The following EML1 variants were observed in gnomAD, a reference collection of about 807,000 sequenced individuals.
EML1 encodes the protein echinoderm microtubule-associated protein-like 1.
EML1 carries 27 observed loss-of-function variants against 110.4 expected under a neutral mutation model. That is an observed-to-expected ratio of 0.24 (90% CI 0.18 to 0.34). The LOEUF (loss-of-function observed/expected upper bound fraction) is 0.34. Ranked by LOEUF, EML1 falls within the 10% of genes least tolerant of loss-of-function variation. The pLI, the probability that EML1 is intolerant of heterozygous loss-of-function variation, is 1.00. For missense variants in EML1, 741 were observed against 1,030.9 expected (o/e 0.72, Z 3.85); for synonymous variants, 344 against 385.8 (o/e 0.89, Z 1.27).
chr14:99,884,988 C>T (rs929693015), intron 4 of EML1, among the ~76,000 whole-genome samples: 5 of 152,230 alleles, frequency 3.3e-5, no homozygotes, highest in African/African-American at 1.2e-4. Flanking sequence ...GTCGTAACTG[C>T]CTGTTAACTT....
rs1337837708 is a variant in EML1 at position 99,905,381 on chromosome 14, G to C, written c.1009-2257G>C. Among the ~76,000 whole-genome samples, 1 of 152,106 alleles carries C rather than the reference G, an allele frequency of 6.6e-6. No individual in the cohort carries two copies. The highest frequency in any genetic ancestry group is 1.5e-5 in the Non-Finnish European group (1 of 68,026). Reference sequence around the variant, plus strand: ...TCAACTTACGGTCTCTGGGCAAGATGGTGGCCCTGAGTAATAGAAAACATA... The same window carrying C: ...TCAACTTACGGTCTCTGGGCAAGATCGTGGCCCTGAGTAATAGAAAACATA... On this transcript the variant is annotated intron_variant, in intron 9 of 21. Coordinates refer to ENST00000262233, the MANE Select transcript of EML1 (RefSeq NM_004434.3). This position sits in a 1 kb window ranked among gnomAD's most constrained non-coding sequence, Gnocchi z 4.1.
intron 17 of EML1, among the ~76,000 whole-genome samples, chr14:99,930,648 T>A (rs982075339): frequency 1.3e-5 from 2 of 152,234 alleles, no homozygotes; most frequent in Non-Finnish European, 2.9e-5. Context: ...TACAGAAGCT[T>A]CATAGTGATA....
upstream of EML1, among the ~76,000 whole-genome samples, chr14:99,770,779 A>ATTTTTTTTTTTTTTTATT (rs2057417747): frequency 1.1e-5 from 1 of 91,640 alleles, no homozygotes; most frequent in Non-Finnish European, 2.0e-5. Flanking sequence ...GTTTCCGCTG[A>ATTTTTTTTTTTTTTTATT]TTTTTTTTTT....
At chr14:99,843,408 T>C (rs2058662294) in intron 1 of EML1, among the ~76,000 whole-genome samples, 3 of 143,736 alleles carry the variant, frequency 2.1e-5, no homozygotes, top group Non-Finnish European at 4.5e-5. Flanking sequence ...GGATTTGTTT[T>C]GGTAATTTTT....
intron 17 of EML1, among the ~76,000 whole-genome samples, chr14:99,923,623 C>CA (rs1555405290): frequency 5.0e-5 from 7 of 140,248 alleles, no homozygotes; most frequent in Admixed American, 3.7e-4. Context: ...GGTTTATTTC[C>CA]GGATACTCAG....
chr14:99,935,968 T>C, intron 17 of EML1, 61 bp from the exon 18 acceptor site: 6 of 1,522,490 alleles, frequency 3.9e-6, no homozygotes, highest in South Asian at 2.3e-5. Flanking sequence ...ACCGTTATCC[T>C]TTGTAACGAA....
chr14:99,774,891 G>C (rs2057465145), intron 1 of EML1, among the ~76,000 whole-genome samples: 1 of 152,134 alleles, frequency 6.6e-6, no homozygotes, highest in Non-Finnish European at 1.5e-5. Flanking sequence ...CTGACAGCTT[G>C]ACTTTAAGGG....
chr14:99,811,682 G>A (rs923857288), intron 1 of EML1, among the ~76,000 whole-genome samples: 5 of 148,810 alleles, frequency 3.4e-5, no homozygotes, highest in African/African-American at 4.9e-5. Context: ...TTTGTGGCAC[G>A]AACCTATAGT....
intron 1 of EML1, among the ~76,000 whole-genome samples, chr14:99,804,990 G>A (rs1413777716): frequency 6.6e-6 from 1 of 152,158 alleles, no homozygotes; most frequent in Non-Finnish European, 1.5e-5. Context: ...AGGCTGTTGT[G>A]TACAGGATTC....
chr14:99,810,096 G>A (rs568006043), intron 1 of EML1, among the ~76,000 whole-genome samples: 1 of 152,308 alleles, frequency 6.6e-6, no homozygotes, highest in East Asian at 1.9e-4. Flanking sequence ...CAGTGTTTGA[G>A]TGATGTTTAC....
At chr14:99,748,206 G>C (rs1340373519) in intron 1 of EML1, among the ~76,000 whole-genome samples, 1 of 151,998 alleles carries the variant, frequency 6.6e-6, no homozygotes, top group Non-Finnish European at 1.5e-5. Context: ...GAAAGCCCCT[G>C]CCCGCAGCCC....
rs570082751 is a variant in EML1 at position 99,825,016 on chromosome 14, TTC to T, written c.68-25835_68-25834del. 4.8e-3 allele frequency among the ~76,000 whole-genome samples: 738 copies of T among 152,242 alleles called. 4 individuals carry two copies. Among genetic ancestry groups the T allele is most frequent in the African/African-American group, 0.017 (715 of 41,532 alleles). The stretch of plus-strand genomic sequence containing the variant: ...TTTATTTTTTTGAGACAGGATCTTG[TTC>T]TGTCTCCCAGGCTGGAGTGCAGTGG... On this transcript the variant is annotated intron_variant, in intron 1 of 21. Transcript: ENST00000262233.
intron 1 of EML1, among the ~76,000 whole-genome samples, chr14:99,756,562 T>C (rs1468809099): frequency 9.9e-5 from 15 of 152,174 alleles, no homozygotes; most frequent in Non-Finnish European, 2.9e-5. Flanking sequence ...TGGAGCCATA[T>C]GACAGTCTAA....
upstream of EML1, among the ~76,000 whole-genome samples, chr14:99,789,468 CAA>C (rs1032393710): frequency 8.5e-5 from 13 of 152,234 alleles, no homozygotes; most frequent in African/African-American, 3.1e-4. Context: ...CTCGGCTTCC[CAA>C]AGTGCTGGGA....
intron 9 of EML1, 184 bp from the exon 10 acceptor site, chr14:99,907,454 C>T (rs1464464034): frequency 3.2e-6 from 2 of 618,830 alleles, no homozygotes; most frequent in Non-Finnish European, 5.6e-6. Context: ...GATGACAGAG[C>T]AAAACCCTGT....
chr14:99,896,935 C>T (rs1026424895), intron 6 of EML1, among the ~76,000 whole-genome samples: 1 of 152,128 alleles, frequency 6.6e-6, no homozygotes, highest in African/African-American at 2.4e-5. Context: ...AATATGTATT[C>T]ACATTACATC....
At chr14:99,752,880 G>A (rs2057192837) in intron 1 of EML1, among the ~76,000 whole-genome samples, 1 of 152,212 alleles carries the variant, frequency 6.6e-6, no homozygotes, top group African/African-American at 2.4e-5. Context: ...GATGAAACCT[G>A]AATAAGGAAA....
At chr14:99,777,097 CAGA>C (rs756778793) in intron 1 of EML1, among the ~76,000 whole-genome samples, 9 of 152,320 alleles carry the variant, frequency 5.9e-5, no homozygotes, top group East Asian at 1.9e-4. Flanking sequence ...AGCCAACCCA[CAGA>C]AGAAGACTCA....
chr14:99,796,313 T>G (rs1267937241), intron 1 of EML1, among the ~76,000 whole-genome samples: 1 of 152,128 alleles, frequency 6.6e-6, no homozygotes, highest in Non-Finnish European at 1.5e-5. Flanking sequence ...TACTTCTTTC[T>G]TGGTGTCTCT....
Sources: allele counts gnomAD v4.1 joint callset (sites outside exome capture counted in the v4.1 genomes callset), GRCh38; gene constraint gnomAD v4.1.1; non-coding constraint Gnocchi (gnomAD v3.1); transcripts MANE v1.5; gene names NCBI Gene and HGNC (gene_info 2026-07-23, HGNC 2026-07-21).